The following LOXHD1 variants were observed in gnomAD, a reference collection of about 807,000 sequenced individuals.
The protein encoded by LOXHD1 is lipoxygenase homology PLAT domains 1.
A neutral mutation model predicts 248.2 loss-of-function variants in LOXHD1; 205 were observed. The ratio of observed to expected loss-of-function variants is 0.83; its 90% CI spans 0.74 to 0.93. The LOEUF is 0.93. Ranked by LOEUF, LOXHD1 falls within the 40% of genes least tolerant of loss-of-function variation. The pLI is 0.00. For synonymous variants in LOXHD1, 1,113 were observed against 1,162.8 expected, an observed-to-expected ratio of 0.96 and a Z score of 0.87; for missense variants, 2,930 against 2,971.6, an observed-to-expected ratio of 0.99 and a Z score of 0.33.
At chr18:46,497,578 G>T (rs1364057702) in intron 37 of LOXHD1, among the ~76,000 whole-genome samples, 1 of 152,140 alleles carries the variant, frequency 6.6e-6, no homozygotes, top group Non-Finnish European at 1.5e-5. Flanking sequence ...TGATTCTGGG[G>T]AAAACTGAGT....
chr18:46,573,386 C>T (rs1024432428), intron 14 of LOXHD1, among the ~76,000 whole-genome samples: 2 of 152,188 alleles, frequency 1.3e-5, no homozygotes, highest in African/African-American at 4.8e-5. Context: ...GTTTTCTAAG[C>T]CCCAGCACTC....
In LOXHD1 at chr18:46,656,937, C is replaced by A. The variant is rs1230662464; in HGVS notation, c.97G>T (p.Gly33Trp). Residue 33 changes from glycine (G) to tryptophan (W), a missense_variant, in exon 1 of 41, where the codon GGG (glycine) becomes TGG (tryptophan). Transcript: ENST00000642948. ...TTGTAGTACTCGTGTTCCAGCTCCC[C>A]CTCGTCGTCCTCCGAGGCGTAGTTC... ...LLNYASEDDE[G>W]ELEHEYYKAR... The A allele has an allele frequency of 1.3e-6, 2 of 1,551,634 alleles. No homozygotes were observed. The highest frequency in any genetic ancestry group is 2.0e-5 in the Admixed American group (1 of 51,000).
At position 46,538,352 on chromosome 18, in the gene LOXHD1, C is replaced by G. The variant is rs2036408002; in HGVS notation, c.3914-15G>C. The G allele has an allele frequency of 6.5e-7, 1 of 1,540,306 alleles. No homozygotes were observed. The highest frequency in any genetic ancestry group is 1.4e-5 in the African/African-American group (1 of 72,984). On this transcript the variant is annotated splice_polypyrimidine_tract_variant and intron_variant, in intron 25 of 40. Transcript: ENST00000642948. ...GTAAGGAACAACTGAGGGTGGTGGT[C>G]AGAGGGCAAAGCCAGAGTGGATGAG...
At chr18:46,618,947 C>T (rs955364947) in intron 4 of LOXHD1, among the ~76,000 whole-genome samples, 1 of 152,168 alleles carries the variant, frequency 6.6e-6, no homozygotes, top group African/African-American at 2.4e-5. Flanking sequence ...AAACTTAATC[C>T]CCTGTAACCT....
At chr18:46,529,732 T>C (rs192024755) in intron 28 of LOXHD1, among the ~76,000 whole-genome samples, 1 of 152,282 alleles carries the variant, frequency 6.6e-6, no homozygotes, top group Non-Finnish European at 1.5e-5. Flanking sequence ...CATTTGAGGG[T>C]GACCAGTGTC....
chr18:46,544,514 T>A (rs1251712027), intron 23 of LOXHD1, among the ~76,000 whole-genome samples: 3 of 152,274 alleles, frequency 2.0e-5, no homozygotes, highest in Non-Finnish European at 4.4e-5. Flanking sequence ...TCCAACCTAT[T>A]AAATAATTGA....
intron 1 of LOXHD1, among the ~76,000 whole-genome samples, chr18:46,652,211 T>A (rs962749878): frequency 9.2e-5 from 14 of 152,130 alleles, no homozygotes; most frequent in African/African-American, 3.1e-4. Context: ...AGAAATGTGG[T>A]TGCCTGGGGT....
Position 46,591,967 on chromosome 18 carries a change from A to G in LOXHD1, c.1620T>C (p.Thr540=), listed in dbSNP as rs2038177730. ...TCCTGCGCACTGTTGGGCCTTCTGC[A>G]GTCATTTCCCTCACTATCTCATTGT... The part of the protein sequence containing the change: ...EDDNEIVREM[T]AEGPTVRRIM... The change falls in exon 12 of 41, where the codon ACT becomes ACC. Residue 540 remains threonine, a synonymous_variant. Transcript: ENST00000642948. 6.4e-7 allele frequency: 1 copy of G among 1,551,966 alleles called. No individual in the cohort carries two copies. Among genetic ancestry groups the G allele is most frequent in the Non-Finnish European group, 8.7e-7 (1 of 1,147,016 alleles).
At chr18:46,643,900 G>C (rs375512843) in intron 2 of LOXHD1, among the ~76,000 whole-genome samples, 1 of 152,070 alleles carries the variant, frequency 6.6e-6, no homozygotes, top group African/African-American at 2.4e-5. Flanking sequence ...TAAAAGAAAA[G>C]GTAGGTTAAG....
At chr18:46,520,332 C>A (rs1265206587) in intron 33 of LOXHD1, 1 of 470,928 alleles carries the variant, frequency 2.1e-6, no homozygotes, top group Admixed American at 2.4e-5. Context: ...GTCCAAGAAG[C>A]CCATTGGTTT....
Position 46,586,925 on chromosome 18 carries a change from A to T in LOXHD1, c.1654+5008T>A, listed in dbSNP as rs955726343. 3.3e-5 allele frequency among the ~76,000 whole-genome samples: 5 copies of T among 152,370 alleles called. No homozygotes were observed. In the East Asian group the frequency reaches 9.6e-4, roughly 29 times the overall value. ...AGACAGCTGAAAAAATAATTTGACCATGAAACATATGAGTACACAAAGATA... is the reference window on the plus strand; with the variant it reads ...AGACAGCTGAAAAAATAATTTGACCTTGAAACATATGAGTACACAAAGATA... On this transcript the variant is annotated intron_variant, in intron 12 of 40. Coordinates refer to ENST00000642948, the MANE Select transcript of LOXHD1 (RefSeq NM_001384474.1).
intron 1 of LOXHD1, among the ~76,000 whole-genome samples, chr18:46,655,098 C>G (rs1247403297): frequency 2.6e-5 from 4 of 152,218 alleles, no homozygotes; most frequent in African/African-American, 9.6e-5. Flanking sequence ...GAATAAAGTG[C>G]TTAACTCAGT....
chr18:46,546,552 C>T (rs915701439), intron 22 of LOXHD1, among the ~76,000 whole-genome samples: 2 of 151,854 alleles, frequency 1.3e-5, no homozygotes, highest in Non-Finnish European at 2.9e-5. Flanking sequence ...TCATTCCAAC[C>T]CATCCCATTT....
At chr18:46,647,332 G>A (rs898305938) in intron 2 of LOXHD1, among the ~76,000 whole-genome samples, 4 of 152,192 alleles carry the variant, frequency 2.6e-5, no homozygotes, top group Non-Finnish European at 4.4e-5. Context: ...TATAAAGGGT[G>A]GCTCAGGGGC....
In LOXHD1 at chr18:46,566,309, G is replaced by A. The variant is rs531051635; in HGVS notation, c.2385C>T (p.Asp795=). Residue 795 remains aspartate, a synonymous_variant, in exon 17 of 41, where the codon GAC becomes GAT. Coordinates refer to ENST00000642948, the MANE Select transcript of LOXHD1 (RefSeq NM_001384474.1). ...ANRWLDKNQA[D]GRLEVELYPS... ...GATACAGCTCCACCTCCAGGCGCCC[G>A]TCAGCCTGGTTCTTGTCCAGCCAGC... 1.7e-5 allele frequency: 26 copies of A among 1,551,790 alleles called. No individual in the cohort carries two copies. The highest frequency in any genetic ancestry group is 1.2e-4 in the African/African-American group (9 of 73,174).
chr18:46,601,142 G>T, intron 8 of LOXHD1, 75 bp downstream of exon 8: 1 of 1,493,200 alleles, frequency 6.7e-7, no homozygotes, highest in Non-Finnish European at 9.0e-7. Flanking sequence ...TAGCATTCAG[G>T]TTAAAGTTTG....
At chr18:46,486,800 C>A (rs937963135) in intron 38 of LOXHD1, among the ~76,000 whole-genome samples, 4 of 152,096 alleles carry the variant, frequency 2.6e-5, no homozygotes, top group East Asian at 1.9e-4. Context: ...GAAATGAATT[C>A]TTTCCTAGTG....
intron 23 of LOXHD1, among the ~76,000 whole-genome samples, chr18:46,543,709 T>G (rs1472055606): frequency 1.3e-5 from 2 of 152,200 alleles, no homozygotes; most frequent in African/African-American, 4.8e-5. Flanking sequence ...GGTGTGCATT[T>G]TTATTTCCAG....
chr18:46,495,669 T>C (rs1324636333), intron 37 of LOXHD1, among the ~76,000 whole-genome samples: 24 of 152,232 alleles, frequency 1.6e-4, no homozygotes, highest in Non-Finnish European at 1.5e-5. Context: ...TAAGGAAATT[T>C]ACATATTTTC....
Sources: gnomAD v4.1 joint callset for allele counts (sites outside exome capture counted in the v4.1 genomes callset) on GRCh38, gnomAD v4.1.1 for gene constraint, MANE v1.5 for transcripts, NCBI Gene and HGNC (gene_info 2026-07-23, HGNC 2026-07-21) for gene names.